Variants in ETV5 observed in about 807,000 individuals in gnomAD.
The protein encoded by ETV5 is ETS variant transcription factor 5, also known as ETS translocation variant 5.
In ETV5, 10 loss-of-function variants were observed where a neutral mutation model predicts 70.0. The ratio of observed to expected loss-of-function variants is 0.14; its 90% confidence interval spans 0.09 to 0.24. The LOEUF (loss-of-function observed/expected upper bound fraction) is 0.24. Ranked by LOEUF, ETV5 falls within the 10% of genes least tolerant of loss-of-function variation. The pLI is 1.00. For synonymous variants in ETV5, 216 were observed against 242.2 expected (o/e 0.89, Z 1.01); for missense variants, 453 against 651.2 (o/e 0.70, Z 3.31).
At chr3:186,096,510 A>C (rs534947651) in intron 5 of ETV5, among the ~76,000 whole-genome samples, 1 of 152,032 alleles carries the variant, frequency 6.6e-6, no homozygotes, top group Non-Finnish European at 1.5e-5. Context: ...TACACAGCTG[A>C]TATCTAGGGT....
At chr3:186,107,909 G>C (rs1160834659) in intron 1 of ETV5, among the ~76,000 whole-genome samples, 2 of 146,082 alleles carry the variant, frequency 1.4e-5, no homozygotes, top group Non-Finnish European at 3.0e-5. Flanking sequence ...CTGCGCCCCC[G>C]CCCCCATTTC....
chr3:186,074,425 G>A (rs1484580908), intron 7 of ETV5, among the ~76,000 whole-genome samples: 4 of 152,104 alleles, frequency 2.6e-5, no homozygotes, highest in African/African-American at 9.7e-5. Context: ...AATTTCACAT[G>A]AGATGTTCTA....
At chr3:186,102,883 GCTC>G (rs1714494357) in intron 5 of ETV5, among the ~76,000 whole-genome samples, 1 of 152,184 alleles carries the variant, frequency 6.6e-6, no homozygotes, top group African/African-American at 2.4e-5. Context: ...GGCTCTGCCA[GCTC>G]CTCCTCATGC....
rs150324506 is a variant in ETV5, at chr3:186,083,654, C to T, written c.233-2479G>A. 4.5e-4 allele frequency among the ~76,000 whole-genome samples: 69 copies of T among 152,300 alleles called. 1 individual carries two copies. Among genetic ancestry groups the T allele is most frequent in the African/African-American group, 1.6e-3 (67 of 41,568 alleles). ...TTATATAGTACCTTCTACCCCAAAACGTCTTATATGTGGAATAGTATATTC... is the reference window on the plus strand; with the variant it reads ...TTATATAGTACCTTCTACCCCAAAATGTCTTATATGTGGAATAGTATATTC... On this transcript the variant is annotated intron_variant, in intron 5 of 12. Coordinates refer to ENST00000306376, the MANE Select transcript of ETV5 (RefSeq NM_004454.3).
intron 5 of ETV5, among the ~76,000 whole-genome samples, chr3:186,097,883 T>C (rs1033308881): frequency 3.3e-5 from 5 of 152,016 alleles, no homozygotes; most frequent in African/African-American, 4.8e-5. Flanking sequence ...CACAATGGGG[T>C]CTGGTTATTC....
chr3:186,071,682 T>C (rs940564424), intron 7 of ETV5, among the ~76,000 whole-genome samples: 1 of 152,130 alleles, frequency 6.6e-6, no homozygotes, highest in Admixed American at 6.6e-5. Flanking sequence ...TGGCCAGGCA[T>C]GGTGGCTCAG....
At chr3:186,106,020 TA>T (rs918634719) in intron 1 of ETV5, 78 bp from the exon 2 acceptor site, 15 of 1,057,212 alleles carry the variant, frequency 1.4e-5, no homozygotes, top group Non-Finnish European at 2.0e-5. Flanking sequence ...GCCTTTTTTT[TA>T]GGGCCTGTGC....
Position 186,048,498 on chromosome 3 carries a change from C to A in ETV5, c.*141G>T. 7 of 751,542 alleles carry A rather than the reference C, an allele frequency of 9.3e-6. No homozygotes were observed. The South Asian group carries it at 1.3e-4, about 14-fold the overall frequency. The allele number at this position is 751,542 out of a possible 1,614,324, so 46.6% of individuals were successfully genotyped here. A position where few individuals can be genotyped will look rare whatever the true frequency, so the allele number is the denominator to read the frequency against. On this transcript the variant is annotated 3_prime_UTR_variant, in exon 13 of 13. Coordinates refer to ENST00000306376, the MANE Select transcript of ETV5 (RefSeq NM_004454.3). Reference sequence around the variant, plus strand: ...TGTATCTGTCTTTAAGGGTGCCAATCCAGAGACAGCTTGGGTTCTCCAGAT... The same window carrying A: ...TGTATCTGTCTTTAAGGGTGCCAATACAGAGACAGCTTGGGTTCTCCAGAT...
chr3:186,064,364 G>C, intron 9 of ETV5, 53 bp downstream of exon 9: 2 of 1,527,980 alleles, frequency 1.3e-6, no homozygotes, highest in Non-Finnish European at 1.8e-6. Flanking sequence ...GAGAAAGAAA[G>C]GAAGAAAGGA....
intron 8 of ETV5, 138 bp downstream of exon 8, chr3:186,065,675 T>A: frequency 9.7e-7 from 1 of 1,032,544 alleles, no homozygotes; most frequent in Non-Finnish European, 1.4e-6. Flanking sequence ...CCTAAGTTAT[T>A]TGAGGGCAAT....
rs547416971 is a variant in ETV5, at chr3:186,081,108, C to T, written c.300G>A (p.Ser100=). Residue 100 remains serine, a synonymous_variant, in exon 6 of 13, where the codon TCG becomes TCA. Transcript: ENST00000306376. ...CAAGAGCCTGCTCATGGCTACAAGA[C>T]GACAGCTCAGAGGAGGGGCTGTGCA... ...RELHSPSSEL[S]SCSHEQALGA... 47 of 1,613,716 alleles carry T rather than the reference C, an allele frequency of 2.9e-5. No homozygotes were observed. The Middle Eastern group carries it at 4.9e-4, about 17-fold the overall frequency.
intron 9 of ETV5, among the ~76,000 whole-genome samples, chr3:186,061,721 TC>T (rs1232568348): frequency 6.6e-6 from 1 of 152,132 alleles, no homozygotes; most frequent in Admixed American, 6.5e-5. Context: ...AGCCCACCTC[TC>T]CAGGCCTTTC....
intron 1 of ETV5, among the ~76,000 whole-genome samples, chr3:186,106,735 A>AC (rs761517143): frequency 2.0e-4 from 31 of 151,786 alleles, no homozygotes; most frequent in Admixed American, 6.6e-5. Context: ...TTCTAGACAT[A>AC]CCCCCCCACC....
chr3:186,078,385 G>A (rs1308151473), intron 7 of ETV5, among the ~76,000 whole-genome samples: 13 of 152,102 alleles, frequency 8.5e-5, no homozygotes, highest in Admixed American at 7.2e-4. Context: ...TCAGCAAGAT[G>A]CTGTTTAAAA....
At chr3:186,073,774 AC>A (rs1225393459) in intron 7 of ETV5, among the ~76,000 whole-genome samples, 4 of 152,228 alleles carry the variant, frequency 2.6e-5, no homozygotes, top group Non-Finnish European at 5.9e-5. Context: ...GATTGTCCAA[AC>A]CAGGATCCTT....
At position 186,057,646 on chromosome 3, in the gene ETV5, G is replaced by A. The variant is rs559185366; in HGVS notation, c.971-155C>T. ...GACTGAATTTTCAGGGACTTCAAGAGGGCTTAGGCATTCCAATTCTGATGT... is the reference window on the plus strand; with the variant it reads ...GACTGAATTTTCAGGGACTTCAAGAAGGCTTAGGCATTCCAATTCTGATGT... On this transcript the variant is annotated intron_variant, in intron 9 of 12. Transcript: ENST00000306376. This position sits in a 1 kb window ranked among gnomAD's most constrained non-coding sequence, Gnocchi z 4.9. Among the ~76,000 whole-genome samples the A allele has an allele frequency of 5.3e-5, 8 of 152,314 alleles. No homozygotes were observed. The highest frequency in any genetic ancestry group is 1.9e-4 in the African/African-American group (8 of 41,572).
chr3:186,063,788 C>T (rs1157745854), intron 9 of ETV5, among the ~76,000 whole-genome samples: 1 of 152,144 alleles, frequency 6.6e-6, no homozygotes, highest in Non-Finnish European at 1.5e-5. Context: ...AGCTCACTTC[C>T]CCACCAGCCC....
intron 9 of ETV5, among the ~76,000 whole-genome samples, chr3:186,063,018 T>A (rs1054532282): frequency 1.3e-5 from 2 of 152,172 alleles, no homozygotes; most frequent in African/African-American, 4.8e-5. Context: ...ACGCCTGTAA[T>A]CCCAGCACTT....
At chr3:186,075,255 G>T (rs1403268074) in intron 7 of ETV5, among the ~76,000 whole-genome samples, 1 of 152,194 alleles carries the variant, frequency 6.6e-6, no homozygotes, top group African/African-American at 2.4e-5. Flanking sequence ...ATCCCAAAGT[G>T]AATCTGTGCT....
Sources: gnomAD v4.1 joint callset for allele counts (sites outside exome capture counted in the v4.1 genomes callset) on GRCh38, gnomAD v4.1.1 for gene constraint, Gnocchi (gnomAD v3.1) non-coding constraint, MANE v1.5 for transcripts, NCBI Gene and HGNC (gene_info 2026-07-23, HGNC 2026-07-21) for gene names.